Variants in SEMA6A observed in about 807,000 individuals in gnomAD.
SEMA6A encodes the protein semaphorin-6A.
Under a neutral mutation model 96.8 loss-of-function variants are expected in SEMA6A, and 25 were observed. The observed-to-expected ratio is 0.26, with a 90% CI of 0.19 to 0.36. The LOEUF is 0.36. SEMA6A is among the 10% of genes least tolerant of loss of function. The probability of loss-of-function intolerance (pLI) is 1.00; values close to 1 mark genes in which losing one functional copy is unlikely to be tolerated. For synonymous variants in SEMA6A, 612 were observed against 518.0 expected (o/e 1.18, Z -2.46); for missense variants, 1,363 against 1,323.1 (o/e 1.03, Z -0.47).
rs78439728 is a variant in SEMA6A, at chr5:116,480,113, G to C, written c.1250+9C>G. 3 of 1,613,404 alleles carry C rather than the reference G, an allele frequency of 1.9e-6. No individual in the cohort carries two copies. In the East Asian group the frequency reaches 6.7e-5, roughly 36 times the overall value. On this transcript the variant is annotated intron_variant, in intron 12 of 18. Transcript: ENST00000343348. ...AAATCCATCAGGACACGGTTTGTTT[G>C]ACACCCACCTGACCATTGTTCTCAG...
chr5:116,467,879 C>A (rs1755865861), intron 17 of SEMA6A, 132 bp from the exon 18 acceptor site: 11 of 703,656 alleles, frequency 1.6e-5, no homozygotes, highest in Non-Finnish European at 2.5e-5. Flanking sequence ...AATGACACGG[C>A]TTAGTGGTGG....
At position 116,446,412 on chromosome 5, in the gene SEMA6A, C is replaced by G; in HGVS notation, c.*201G>C. The G allele has an allele frequency of 2.1e-6, 1 of 479,004 alleles. No individual in the cohort carries two copies. Among genetic ancestry groups the G allele is most frequent in the Non-Finnish European group, 3.6e-6 (1 of 274,812 alleles). 29.7% of individuals were successfully genotyped at this position (479,004 alleles called of 1,614,324 possible). A position where few individuals can be genotyped will look rare whatever the true frequency, so the allele number is the denominator to read the frequency against. On this transcript the variant is annotated 3_prime_UTR_variant, in exon 19 of 19. Transcript: ENST00000343348. Reference sequence around the variant, plus strand: ...AAGGAAGAGAATGAAGGTGAGTCCCCGCCGTTGCAAACCTTCACCAAACCA... The same window carrying G: ...AAGGAAGAGAATGAAGGTGAGTCCCGGCCGTTGCAAACCTTCACCAAACCA...
At chr5:116,468,888 A>T (rs1755931922) in intron 17 of SEMA6A, 2 of 152,168 alleles carry the variant, frequency 1.3e-5, no homozygotes, top group African/African-American at 4.8e-5. Flanking sequence ...TATGATCACC[A>T]TGCACATGAT....
Position 116,446,620 on chromosome 5 carries a change from C to T in SEMA6A, c.3086G>A (p.Cys1029Tyr). ...GACCCCCTCCCCCTGGGATTATGTA[C>T]ACGCATCATTGGGCTTCATGGATGT... ...LSTSMKPNDACT is the reference protein window; with the variant it reads ...LSTSMKPNDAYT Residue 1029 changes from cysteine to tyrosine, a missense_variant, in exon 19 of 19, where the codon TGT becomes TAT. Cys to Tyr is a radical substitution (Grantham distance 194, BLOSUM62 -2). Around this residue, in one of 2 missense-constraint regions of SEMA6A, gnomAD observed 883 missense variants for 763.6 expected, o/e 1.16. Transcript: ENST00000343348. 1 of 1,498,582 alleles carries T rather than the reference C, an allele frequency of 6.7e-7. No homozygotes were observed. 92.8% of individuals were successfully genotyped at this position (1,498,582 alleles called of 1,614,324 possible). A position where few individuals can be genotyped will look rare whatever the true frequency, so the allele number is the denominator to read the frequency against.
chr5:116,529,457 C>T (rs1420864445), intron 1 of SEMA6A, among the ~76,000 whole-genome samples: 2 of 152,028 alleles, frequency 1.3e-5, no homozygotes, highest in Non-Finnish European at 2.9e-5. Context: ...TGCTAATTAC[C>T]CTGATTTGAT....
intron 18 of SEMA6A, among the ~76,000 whole-genome samples, chr5:116,453,532 C>G (rs977509038): frequency 2.0e-5 from 3 of 152,096 alleles, no homozygotes; most frequent in African/African-American, 7.2e-5. Flanking sequence ...AGAGAAAATA[C>G]AAGAGCAAGA....
chr5:116,503,872 A>G lies in SEMA6A; in HGVS notation c.100+973T>C, dbSNP rs535537803. On this transcript the variant is annotated intron_variant, in intron 2 of 18. Coordinates refer to ENST00000343348, the MANE Select transcript of SEMA6A (RefSeq NM_020796.5). ...CAGAAAACTTACCTCAAATGGAAAT[A>G]AATAAATGTTTATTAAGTTTGGAAC... Among the ~76,000 whole-genome samples the G allele has an allele frequency of 4.6e-5, 7 of 152,292 alleles. No individual in the cohort carries two copies. The East Asian group carries it at 1.4e-3, about 29-fold the overall frequency.
chr5:116,474,240 C>T (rs1036902828), intron 16 of SEMA6A, among the ~76,000 whole-genome samples: 2 of 151,584 alleles, frequency 1.3e-5, no homozygotes, highest in African/African-American at 4.9e-5. Context: ...AGCTCATTAA[C>T]ATCAGCTAAC....
At chr5:116,532,002 C>T (rs1156934558) in intron 1 of SEMA6A, among the ~76,000 whole-genome samples, 2 of 152,176 alleles carry the variant, frequency 1.3e-5, no homozygotes, top group East Asian at 1.9e-4. Flanking sequence ...GTAGGGACCA[C>T]CTGCATCAGG....
rs115961956 is a variant in SEMA6A at position 116,455,377 on chromosome 5, A to G, written c.1895-7566T>C. On this transcript the variant is annotated intron_variant, in intron 18 of 18. Coordinates refer to ENST00000343348, the MANE Select transcript of SEMA6A (RefSeq NM_020796.5). ...CCCGTAAAGGTAATGATTCTTTTACATTGGCAAAGTTTTAGCAGAGTCTGC... is the reference window on the plus strand; with the variant it reads ...CCCGTAAAGGTAATGATTCTTTTACGTTGGCAAAGTTTTAGCAGAGTCTGC... 6.3e-3 allele frequency among the ~76,000 whole-genome samples: 961 copies of G among 152,322 alleles called. 2 individuals carry two copies. The highest frequency in any genetic ancestry group is 9.8e-3 in the Non-Finnish European group (664 of 68,020).
At chr5:116,548,107 T>A (rs143215723) in intron 1 of SEMA6A, among the ~76,000 whole-genome samples, 70 of 152,302 alleles carry the variant, frequency 4.6e-4, no homozygotes, top group African/African-American at 1.6e-3. Flanking sequence ...AGTCTTGAAT[T>A]GGCTCCAAAG....
chr5:116,543,830 A>G (rs1376206415), intron 1 of SEMA6A, among the ~76,000 whole-genome samples: 1 of 152,236 alleles, frequency 6.6e-6, no homozygotes, highest in Non-Finnish European at 1.5e-5. Context: ...CCAAGTCTCC[A>G]ATGTGGTTAA....
chr5:116,551,278 T>A (rs973253104), intron 1 of SEMA6A, among the ~76,000 whole-genome samples: 1 of 149,476 alleles, frequency 6.7e-6, no homozygotes, highest in Non-Finnish European at 1.5e-5. Flanking sequence ...TATGCCCGTG[T>A]TACAAGTGTA....
In SEMA6A at chr5:116,447,634, A is replaced by G; in HGVS notation, c.2072T>C (p.Leu691Pro). ...CATGGAGCCCCGGCGCGAGTGGGTG[A>G]GCTCCTTCTCCTTGCGCTGCACCAC... ...VAVVQRKEKE[L>P]THSRRGSMSS... The change falls in exon 19 of 19, where the codon CTC (leucine) becomes CCC (proline). Residue 691 changes from leucine to proline, a missense_variant. Coordinates refer to ENST00000343348, the MANE Select transcript of SEMA6A (RefSeq NM_020796.5). 1 of 1,613,908 alleles carries G rather than the reference A, an allele frequency of 6.2e-7. No individual in the cohort carries two copies. The highest frequency in any genetic ancestry group is 1.1e-5 in the South Asian group (1 of 91,082).
chr5:116,472,824 A>G, intron 17 of SEMA6A: 1 of 1,288,918 alleles, frequency 7.8e-7, no homozygotes, highest in Non-Finnish European at 1.0e-6. Flanking sequence ...GAAAACTATA[A>G]ACTACTGCTG....
At chr5:116,494,666 T>A (rs892296480) in intron 6 of SEMA6A, among the ~76,000 whole-genome samples, 9 of 152,212 alleles carry the variant, frequency 5.9e-5, no homozygotes, top group Non-Finnish European at 1.0e-4. Flanking sequence ...CCCTAAGGGT[T>A]GAGGCCTCCT....
chr5:116,491,027 G>C (rs913273174), intron 7 of SEMA6A, among the ~76,000 whole-genome samples: 1 of 152,124 alleles, frequency 6.6e-6, no homozygotes, highest in African/African-American at 2.4e-5. Context: ...GGGGAGTAGA[G>C]GTCAGCCTAA....
At chr5:116,480,675 G>C (rs1324167172) in intron 11 of SEMA6A, among the ~76,000 whole-genome samples, 5 of 152,084 alleles carry the variant, frequency 3.3e-5, no homozygotes, top group Non-Finnish European at 7.3e-5. Flanking sequence ...AAAGAATTAG[G>C]TTGACGTTTT....
intron 10 of SEMA6A, among the ~76,000 whole-genome samples, chr5:116,483,469 G>A (rs1317695616): frequency 6.6e-6 from 1 of 152,156 alleles, no homozygotes; most frequent in Non-Finnish European, 1.5e-5. Flanking sequence ...CAAGAGACAC[G>A]GGTGCCCTGC....
Sources: allele counts gnomAD v4.1 joint callset (sites outside exome capture counted in the v4.1 genomes callset), GRCh38; gene constraint gnomAD v4.1.1; regional missense constraint gnomAD v4.1.1; transcripts MANE v1.5; gene names NCBI Gene and HGNC (gene_info 2026-07-23, HGNC 2026-07-21).